TIAM1: variants seen among roughly 807,000 people sequenced by gnomAD.
TIAM1 encodes rho guanine nucleotide exchange factor TIAM1.
Under a neutral mutation model 163.5 loss-of-function variants are expected in TIAM1, and 65 were observed. The ratio of observed to expected loss-of-function variants is 0.40; its 90% CI spans 0.33 to 0.49. The LOEUF is 0.49. Among genes scored for constraint, TIAM1 ranks in the 20% least tolerant of loss-of-function variants. The pLI is 0.77. For missense variants in TIAM1, 1,789 were observed against 2,044.7 expected, an observed-to-expected ratio of 0.87 and a Z score of 2.41; for synonymous variants, 833 against 810.1, an observed-to-expected ratio of 1.03 and a Z score of -0.48.
At chr21:31,425,584 CT>C (rs533484712) in intron 2 of TIAM1, among the ~76,000 whole-genome samples, 8,780 of 137,580 alleles carry the variant, frequency 0.064, 440 homozygotes, top group African/African-American at 0.15. Context: ...CCAGGGACTG[CT>C]TTTTTTTTTT....
intron 2 of TIAM1, chr21:31,452,978 G>C (rs192596656): frequency 2.0e-6 from 1 of 504,922 alleles, no homozygotes; most frequent in Admixed American, 2.2e-5. Context: ...ATGGGGAAAA[G>C]TTATGGAAGA....
chr21:31,533,736 A>C (rs1021743079), intron 1 of TIAM1, among the ~76,000 whole-genome samples: 4 of 152,166 alleles, frequency 2.6e-5, no homozygotes, highest in Admixed American at 6.5e-5. Context: ...TGTCTCTAAA[A>C]AAATAAAATA....
At chr21:31,210,423 C>T (rs113667831) in intron 10 of TIAM1, among the ~76,000 whole-genome samples, 9 of 151,050 alleles carry the variant, frequency 6.0e-5, no homozygotes, top group African/African-American at 2.2e-4. Context: ...CAAACTTCAG[C>T]TGTGAGGCAG....
intron 25 of TIAM1, among the ~76,000 whole-genome samples, chr21:31,129,516 A>T (rs1568876885): frequency 6.6e-6 from 1 of 152,338 alleles, no homozygotes; most frequent in East Asian, 1.9e-4. Context: ...CTATTTCTAC[A>T]AAATATTTAA....
chr21:31,312,128 C>T (rs1165840127), intron 2 of TIAM1, among the ~76,000 whole-genome samples: 1 of 152,214 alleles, frequency 6.6e-6, no homozygotes, highest in African/African-American at 2.4e-5. Flanking sequence ...CTTGGGGACT[C>T]GAACTGGCTT....
chr21:31,190,675 A>G (rs1486128197), intron 13 of TIAM1, among the ~76,000 whole-genome samples: 1 of 152,180 alleles, frequency 6.6e-6, no homozygotes, highest in African/African-American at 2.4e-5. Flanking sequence ...CGAGGGTCTC[A>G]TGCTTAGTCT....
intron 2 of TIAM1, among the ~76,000 whole-genome samples, chr21:31,439,920 C>T (rs1350088912): frequency 6.6e-6 from 1 of 152,092 alleles, no homozygotes; most frequent in African/African-American, 2.4e-5. Flanking sequence ...GTAGAACAAA[C>T]CAGACTGAGA....
rs1341633368 is a variant in TIAM1 at position 31,395,165 on chromosome 21, G to T, written c.-368-55743C>A. Among the ~76,000 whole-genome samples, 1 of 152,068 alleles carries T rather than the reference G, an allele frequency of 6.6e-6. No homozygotes were observed. Among genetic ancestry groups the T allele is most frequent in the Non-Finnish European group, 1.5e-5 (1 of 68,008 alleles). On this transcript the variant is annotated intron_variant, in intron 2 of 28. Coordinates refer to the TIAM1 transcript ENST00000286827. The surrounding 1 kb of genome is among the most constrained non-coding windows in gnomAD (Gnocchi z 7.5). ...CGGCACCAGAATTGCTTGAGCCTGG[G>T]AGGCAGAGGTTGCAGTAAGCTGAGA... is the stretch of plus-strand genomic sequence containing the variant.
intron 1 of TIAM1, among the ~76,000 whole-genome samples, chr21:31,485,666 T>C (rs2046247953): frequency 6.6e-6 from 1 of 151,948 alleles, no homozygotes; most frequent in South Asian, 2.1e-4. Context: ...GACAGCACAC[T>C]CCTGAAGGGA....
intron 6 of TIAM1, among the ~76,000 whole-genome samples, chr21:31,239,885 A>C (rs1410865991): frequency 6.6e-6 from 1 of 152,226 alleles, no homozygotes; most frequent in Non-Finnish European, 1.5e-5. Flanking sequence ...TGCTAATGAG[A>C]GTATAAATTA....
rs142900370 is a variant in TIAM1, at chr21:31,120,802, G to T, written c.4342C>A (p.Arg1448=). The T allele has an allele frequency of 1.2e-6, 2 of 1,613,232 alleles. No homozygotes were observed. The highest frequency in any genetic ancestry group is 1.7e-6 in the Non-Finnish European group (2 of 1,179,732). Residue 1448 remains arginine (R), a synonymous_variant, in exon 28 of 28, where the codon CGG becomes AGG. Transcript: ENST00000541036. This position sits in a 1 kb window ranked among gnomAD's most constrained non-coding sequence, Gnocchi z 4.2. The part of the protein sequence containing the change: ...APSKSLGRRR[R]RLARNRFTID... ...GTAAACCTGTTTCGAGCCAGCCGCC[G>T]CCTCCTCCTCCCAAGAGACTTGCTT...
chr21:31,462,924 G>C, intron 2 of TIAM1, among the ~76,000 whole-genome samples: 1 of 152,056 alleles, frequency 6.6e-6, no homozygotes, highest in African/African-American at 2.4e-5. Context: ...TGTATTTGGA[G>C]TAGAGATAGG....
intron 2 of TIAM1, among the ~76,000 whole-genome samples, chr21:31,451,802 T>G: frequency 1.7e-5 from 2 of 118,674 alleles, no homozygotes; most frequent in African/African-American, 3.2e-5. Flanking sequence ...AAAGAGAGAG[T>G]GAGAGATACA....
intron 1 of TIAM1, among the ~76,000 whole-genome samples, chr21:31,488,566 G>A (rs2147412854): frequency 6.6e-6 from 1 of 152,310 alleles, no homozygotes; most frequent in Admixed American, 6.5e-5. Flanking sequence ...CACATGGCTG[G>A]GGAGGCCTCA....
At chr21:31,551,786 TGAAG>T (rs2048696493) in intron 1 of TIAM1, among the ~76,000 whole-genome samples, 1 of 151,936 alleles carries the variant, frequency 6.6e-6, no homozygotes, top group South Asian at 2.1e-4. Context: ...ATGTGGAGAA[TGAAG>T]GAAGTAGGTG....
At chr21:31,386,356 C>T (rs879248404) in intron 2 of TIAM1, among the ~76,000 whole-genome samples, 2 of 152,222 alleles carry the variant, frequency 1.3e-5, no homozygotes, top group East Asian at 1.9e-4. Flanking sequence ...TTCTGGGGGT[C>T]CCCTGGCATG....
At chr21:31,389,285 A>G (rs1249437847) in intron 2 of TIAM1, among the ~76,000 whole-genome samples, 3 of 152,088 alleles carry the variant, frequency 2.0e-5, no homozygotes, top group Non-Finnish European at 4.4e-5. Context: ...GCACGATCTC[A>G]GCTTACTGCA....
chr21:31,462,729 C>CTTTTTTGT (rs1569352578), intron 2 of TIAM1, among the ~76,000 whole-genome samples: 1 of 67,142 alleles, frequency 1.5e-5, no homozygotes, highest in Non-Finnish European at 3.2e-5. Flanking sequence ...CCTAACCCCA[C>CTTTTTTGT]TTTTTTGTTT....
chr21:31,399,495 A>G (rs550828461), intron 2 of TIAM1, among the ~76,000 whole-genome samples: 1 of 152,344 alleles, frequency 6.6e-6, no homozygotes, highest in African/African-American at 2.4e-5. Flanking sequence ...AATGAATTGT[A>G]TGCATCCACT....
Sources: allele counts gnomAD v4.1 joint callset (sites outside exome capture counted in the v4.1 genomes callset), GRCh38; gene constraint gnomAD v4.1.1; non-coding constraint Gnocchi (gnomAD v3.1); transcripts MANE v1.5; gene names NCBI Gene and HGNC (gene_info 2026-07-23, HGNC 2026-07-21).